The following CFAP53 variants were observed in gnomAD, a reference collection of about 807,000 sequenced individuals.
CFAP53 encodes the protein cilia- and flagella-associated protein 53.
CFAP53 carries 62 observed loss-of-function variants against 59.7 expected under a neutral mutation model. That is an observed-to-expected ratio of 1.04 (90% CI 0.85 to 1.28). CFAP53 has a LOEUF of 1.28. Ranked by LOEUF, CFAP53 falls within the 50% of genes most tolerant of loss-of-function variation. The probability of loss-of-function intolerance (pLI) is 0.00; values close to 1 mark genes in which losing one functional copy is unlikely to be tolerated. For missense variants in CFAP53, 629 were observed against 615.6 expected, an observed-to-expected ratio of 1.02 and a Z score of -0.23; for synonymous variants, 218 against 205.7, an observed-to-expected ratio of 1.06 and a Z score of -0.51.
chr18:50,259,455 A>G (rs2033871878), intron 3 of CFAP53, among the ~76,000 whole-genome samples: 2 of 138,304 alleles, frequency 1.4e-5, no homozygotes. Flanking sequence ...GCTGGGAAGG[A>G]TAGTGGGGGG....
intron 3 of CFAP53, among the ~76,000 whole-genome samples, chr18:50,257,163 C>T (rs995019750): frequency 1.4e-4 from 22 of 151,990 alleles, no homozygotes; most frequent in Non-Finnish European, 2.9e-4. Flanking sequence ...TAGGGCATTC[C>T]ATGGGTCATT....
intron 5 of CFAP53, among the ~76,000 whole-genome samples, chr18:50,249,500 A>G (rs143118435): frequency 6.6e-6 from 1 of 151,800 alleles, no homozygotes; most frequent in African/African-American, 2.4e-5. Flanking sequence ...CCTGAGTGAC[A>G]GGGCAAGACT....
At chr18:50,230,447 G>A (rs1459046189) in intron 7 of CFAP53, among the ~76,000 whole-genome samples, 3 of 152,336 alleles carry the variant, frequency 2.0e-5, no homozygotes, top group South Asian at 2.1e-4. Flanking sequence ...TGAAAGGATG[G>A]TGCACCCGCA....
chr18:50,266,266 G>A (rs544305291), intron 1 of CFAP53, 70 bp downstream of exon 1: 432 of 1,484,574 alleles, frequency 2.9e-4, no homozygotes, highest in African/African-American at 1.6e-3. Flanking sequence ...GCCGAAGTGG[G>A]ATAGGCCAGG....
At chr18:50,266,299 A>T (rs776757931) in intron 1 of CFAP53, 37 bp downstream of exon 1, 25 of 1,606,262 alleles carry the variant, frequency 1.6e-5, no homozygotes, top group Non-Finnish European at 2.0e-5. Flanking sequence ...AGAGATGGAG[A>T]AAGCTGTAGG....
At position 50,242,394 on chromosome 18, in the gene CFAP53, T is replaced by C. The variant is rs148809447; in HGVS notation, c.1213+506A>G. Among the ~76,000 whole-genome samples, 1,417 of 152,314 alleles carry C rather than the reference T, an allele frequency of 9.3e-3. 30 individuals are homozygous for C. The highest frequency in any genetic ancestry group is 0.032 in the African/African-American group (1,339 of 41,568). ...ATAAATGTCCATGAAATCTTCACAA[T>C]TTATGTTCAGAGATTGCAGTAAAAA... is the stretch of plus-strand genomic sequence containing the variant. On this transcript the variant is annotated intron_variant, in intron 6 of 7. Transcript: ENST00000398545.
intron 6 of CFAP53, among the ~76,000 whole-genome samples, chr18:50,242,119 G>A (rs866720913): frequency 3.9e-5 from 6 of 152,162 alleles, no homozygotes; most frequent in Non-Finnish European, 7.3e-5. Context: ...TATTCTGCCC[G>A]ACCCCGCAGG....
chr18:50,240,545 C>T (rs960002965), intron 6 of CFAP53, among the ~76,000 whole-genome samples: 4 of 152,166 alleles, frequency 2.6e-5, no homozygotes, highest in Non-Finnish European at 5.9e-5. Flanking sequence ...CCCAGATGTG[C>T]TCTCGCTATT....
At chr18:50,247,348 C>A (rs998128393) in intron 5 of CFAP53, among the ~76,000 whole-genome samples, 2 of 152,292 alleles carry the variant, frequency 1.3e-5, no homozygotes, top group South Asian at 4.1e-4. Flanking sequence ...CCCTCATACA[C>A]TGCTGGTGGG....
rs948884252 is a variant in CFAP53, at chr18:50,262,209, G to C, written c.80C>G (p.Pro27Arg). 2 of 1,612,294 alleles carry C rather than the reference G, an allele frequency of 1.2e-6. No homozygotes were observed. Among genetic ancestry groups the C allele is most frequent in the Non-Finnish European group, 1.7e-6 (2 of 1,178,484 alleles). ...TPKVVIVRSKPPKGQGAEHHL... is the reference protein window; with the variant it reads ...TPKVVIVRSKRPKGQGAEHHL... ...GTGCTCAGCTCCTTGGCCTTTAGGA[G>C]GCTTGGATCTCTGAAAACAAAAACC... The change falls in exon 2 of 8, where the codon CCT (proline) becomes CGT (arginine). Residue 27 changes from proline to arginine, a missense_variant. Coordinates refer to ENST00000398545, the MANE Select transcript of CFAP53 (RefSeq NM_145020.5).
Position 50,227,603 on chromosome 18 carries a change from T to C in CFAP53, c.1323A>G (p.Gln441=). 5 of 1,613,080 alleles carry C rather than the reference T, an allele frequency of 3.1e-6. No homozygotes were observed. The highest frequency in any genetic ancestry group is 2.2e-5 in the South Asian group (2 of 91,062). Residue 441 remains glutamine (Q), a synonymous_variant, in exon 8 of 8, where the codon CAA becomes CAG. Coordinates refer to ENST00000398545, the MANE Select transcript of CFAP53 (RefSeq NM_145020.5). The stretch of plus-strand genomic sequence containing the variant: ...GCTTCCTGTACTCCTGGGCTAAACG[T>C]TGGCGTCTAAAGTATTAGAAATGTC... ...CEEKENFARR[Q]RLAQEYRKQL...
chr18:50,227,648 G>A, intron 7 of CFAP53, 39 bp from the exon 8 acceptor site: 5 of 1,430,182 alleles, frequency 3.5e-6, no homozygotes, highest in Non-Finnish European at 4.9e-6. Flanking sequence ...AATTATAAAA[G>A]TAAGCATTTA....
At chr18:50,261,904 T>C in intron 2 of CFAP53, 86 bp downstream of exon 2, 1 of 992,804 alleles carries the variant, frequency 1.0e-6, no homozygotes, top group Non-Finnish European at 1.6e-6. Flanking sequence ...CCATGATCCT[T>C]GCTAAATTTG....
At position 50,235,773 on chromosome 18, in the gene CFAP53, T is replaced by C. The variant is rs2033627455; in HGVS notation, c.1316+2830A>G. 2.6e-5 allele frequency among the ~76,000 whole-genome samples: 4 copies of C among 152,164 alleles called. No homozygotes were observed. The South Asian group carries it at 6.2e-4, about 24-fold the overall frequency. On this transcript the variant is annotated intron_variant, in intron 7 of 7. Transcript: ENST00000398545. ...GGCTGCAAATGCTGTTCCCCCATGG[T>C]CCCACAGCCACCCTGCCCAATTTAA...
chr18:50,244,686 C>A lies in CFAP53; in HGVS notation c.997-1570G>T, dbSNP rs748198916. Among the ~76,000 whole-genome samples, 194 of 152,000 alleles carry A rather than the reference C, an allele frequency of 1.3e-3. 1 individual carries two copies. Among genetic ancestry groups the A allele is most frequent in the Non-Finnish European group, 2.1e-3 (141 of 68,030 alleles). ...GACAGTATCAAAAGAGCATGACAGC[C>A]CACTTGAAGGGACTCTCATGATCTA... On this transcript the variant is annotated intron_variant, in intron 5 of 7. Transcript: ENST00000398545.
At chr18:50,251,111 G>C (rs2033794870) in intron 4 of CFAP53, 135 bp from the exon 5 acceptor site, 2 of 766,908 alleles carry the variant, frequency 2.6e-6, no homozygotes, top group South Asian at 3.5e-5. Context: ...CTGTAAGAAA[G>C]AAAACCTTCC....
chr18:50,235,180 G>T (rs2033621022), intron 7 of CFAP53, among the ~76,000 whole-genome samples: 1 of 152,206 alleles, frequency 6.6e-6, no homozygotes. Flanking sequence ...CCCTCAAAAA[G>T]GAGTTCCTGA....
At chr18:50,229,761 G>T (rs1416205746) in intron 7 of CFAP53, among the ~76,000 whole-genome samples, 2 of 136,136 alleles carry the variant, frequency 1.5e-5, no homozygotes, top group Admixed American at 7.8e-5. Context: ...TTTCAGACAG[G>T]GTCTCACTCT....
Position 50,229,997 on chromosome 18 carries a change from A to T in CFAP53, c.1317-2388T>A, listed in dbSNP as rs142014301. On this transcript the variant is annotated intron_variant, in intron 7 of 7. Coordinates refer to ENST00000398545, the MANE Select transcript of CFAP53 (RefSeq NM_145020.5). ...GGTCTCAAACTCCTGGGTTCAAGAG[A>T]TCCACTCACCTTGGCCTCCCAAAGT... Among the ~76,000 whole-genome samples, 25 of 152,182 alleles carry T rather than the reference A, an allele frequency of 1.6e-4. No homozygotes were observed. In the East Asian group the frequency reaches 2.7e-3, roughly 16 times the overall value.
Sources: allele counts gnomAD v4.1 joint callset (sites outside exome capture counted in the v4.1 genomes callset), GRCh38; gene constraint gnomAD v4.1.1; transcripts MANE v1.5; gene names NCBI Gene and HGNC (gene_info 2026-07-23, HGNC 2026-07-21).